HDAC9: variants seen among roughly 807,000 people sequenced by gnomAD.
HDAC9 encodes MEF-2 interacting transcription repressor (MITR) protein.
HDAC9 carries 41 observed loss-of-function variants against 139.4 expected under a neutral mutation model. The observed-to-expected ratio is 0.29, with a 90% confidence interval of 0.23 to 0.38. The LOEUF (loss-of-function observed/expected upper bound fraction) is 0.38, where lower values mean the gene tolerates loss of function less well. Among genes scored for constraint, HDAC9 ranks in the 10% least tolerant of loss-of-function variants. The pLI is 1.00. For synonymous variants in HDAC9, 517 were observed against 476.2 expected, an observed-to-expected ratio of 1.09 and a Z score of -1.12; for missense variants, 1,147 against 1,297.0, an observed-to-expected ratio of 0.88 and a Z score of 1.78.
chr7:18,983,799 G>A (rs967327217), intron 25 of HDAC9, among the ~76,000 whole-genome samples: 8 of 152,118 alleles, frequency 5.3e-5, no homozygotes, highest in Admixed American at 3.3e-4. Context: ...TGGGTGTGGA[G>A]TGATATTTCA....
At chr7:18,967,006 C>A (rs1035412312) in intron 24 of HDAC9, among the ~76,000 whole-genome samples, 3 of 152,104 alleles carry the variant, frequency 2.0e-5, no homozygotes, top group Non-Finnish European at 2.9e-5. Context: ...GTCTCCCAAG[C>A]GAATTGATAA....
chr7:18,855,213 C>T (rs976478187), intron 21 of HDAC9, among the ~76,000 whole-genome samples: 1 of 152,236 alleles, frequency 6.6e-6, no homozygotes, highest in South Asian at 2.1e-4. Flanking sequence ...TCAGGACTTG[C>T]TTTACACTAA....
intron 2 of HDAC9, among the ~76,000 whole-genome samples, chr7:18,525,378 C>A (rs552703405): frequency 1.2e-4 from 19 of 152,118 alleles, no homozygotes; most frequent in African/African-American, 3.9e-4. Context: ...TTGTCCTTTT[C>A]TACTTGAAAT....
At chr7:18,606,410 A>G (rs1237710918) in intron 6 of HDAC9, among the ~76,000 whole-genome samples, 3 of 152,190 alleles carry the variant, frequency 2.0e-5, no homozygotes, top group Non-Finnish European at 4.4e-5. Flanking sequence ...TTATTCTTAC[A>G]AATTAATGAT....
intron 12 of HDAC9, among the ~76,000 whole-genome samples, chr7:18,704,356 C>G (rs1255605985): frequency 6.6e-6 from 1 of 152,202 alleles, no homozygotes; most frequent in Admixed American, 6.5e-5. Flanking sequence ...ATTGTGGGCT[C>G]TTCCTTACCT....
At chr7:18,336,322 A>G (rs1032630488) in intron 1 of HDAC9, among the ~76,000 whole-genome samples, 13 of 151,610 alleles carry the variant, frequency 8.6e-5, no homozygotes, top group African/African-American at 2.9e-4. Flanking sequence ...CATGTGCTAT[A>G]TCCTAACCTC....
intron 1 of HDAC9, among the ~76,000 whole-genome samples, chr7:18,106,770 A>G (rs1374025361): frequency 1.3e-5 from 2 of 152,026 alleles, no homozygotes; most frequent in Non-Finnish European, 1.5e-5. Context: ...ACACATTTCT[A>G]CCAGAAAAGT....
Position 18,385,285 on chromosome 7 carries a change from A to G in HDAC9, c.-42+94770A>G, listed in dbSNP as rs539694754. Reference sequence around the variant, plus strand: ...GGAATGTTTTAAGACTGTTAATGATACTAGATAGGTGTATGTTCAATAACG... The same window carrying G: ...GGAATGTTTTAAGACTGTTAATGATGCTAGATAGGTGTATGTTCAATAACG... On this transcript the variant is annotated intron_variant, in intron 1 of 3. Coordinates refer to the HDAC9 transcript ENST00000413509. Among the ~76,000 whole-genome samples the G allele has an allele frequency of 9.9e-5, 15 of 152,236 alleles. No homozygotes were observed. In the South Asian group the frequency reaches 1.2e-3, roughly 13 times the overall value.
chr7:18,365,471 T>C (rs1306454809), intron 1 of HDAC9, among the ~76,000 whole-genome samples: 2 of 152,150 alleles, frequency 1.3e-5, no homozygotes, highest in African/African-American at 2.4e-5. Context: ...TATGAAATTA[T>C]TGAGTAGAAA....
chr7:18,332,688 C>A (rs1280290905), intron 1 of HDAC9, among the ~76,000 whole-genome samples: 1 of 151,496 alleles, frequency 6.6e-6, no homozygotes, highest in Non-Finnish European at 1.5e-5. Flanking sequence ...TCCAGAAATT[C>A]AAGATGGTGA....
chr7:18,829,622 G>A, intron 19 of HDAC9, 74 bp downstream of exon 19: 3 of 972,482 alleles, frequency 3.1e-6, no homozygotes, highest in East Asian at 2.4e-5. Flanking sequence ...TTCTCTGTTA[G>A]GTTGTCTTGC....
At chr7:18,753,096 A>G (rs1788585876) in intron 14 of HDAC9, among the ~76,000 whole-genome samples, 1 of 152,126 alleles carries the variant, frequency 6.6e-6, no homozygotes, top group South Asian at 2.1e-4. Context: ...TAGGAGTAGA[A>G]GATACAATAC....
At chr7:18,982,011 G>A (rs1784984789) in intron 25 of HDAC9, among the ~76,000 whole-genome samples, 1 of 152,094 alleles carries the variant, frequency 6.6e-6, no homozygotes, top group African/African-American at 2.4e-5. Flanking sequence ...CAGAACCAGG[G>A]AGAAGAGAAT....
chr7:18,852,895 T>A (rs537351070), intron 21 of HDAC9, among the ~76,000 whole-genome samples: 2 of 152,078 alleles, frequency 1.3e-5, no homozygotes, highest in Non-Finnish European at 2.9e-5. Context: ...AGGTAGATTT[T>A]TAAAAATATA....
At chr7:18,225,807 A>G (rs1224909676) in intron 2 of HDAC9, among the ~76,000 whole-genome samples, 1 of 152,180 alleles carries the variant, frequency 6.6e-6, no homozygotes, top group Admixed American at 6.5e-5. Flanking sequence ...TTGATTTTTA[A>G]ATAGGAAGTC....
rs558753678 is a variant in HDAC9 at position 18,461,761 on chromosome 7, A to AT, written c.-41-34495dup. On this transcript the variant is annotated intron_variant, in intron 1 of 3. Coordinates refer to the HDAC9 transcript ENST00000413509. ...TTTAAGATCACTGTGTTACTGTTAG[A>AT]TTTTTTAAATAAACATTTAGATGAA... Among the ~76,000 whole-genome samples, 169 of 152,236 alleles carry AT rather than the reference A, an allele frequency of 1.1e-3. 1 individual carries two copies. The highest frequency in any genetic ancestry group is 3.7e-3 in the African/African-American group (155 of 41,574).
At chr7:18,107,847 G>A (rs916680718) in intron 1 of HDAC9, among the ~76,000 whole-genome samples, 1 of 152,146 alleles carries the variant, frequency 6.6e-6, no homozygotes, top group African/African-American at 2.4e-5. Context: ...TTTCAAAAAT[G>A]TGATTATACT....
chr7:18,402,859 A>C (rs987497300), intron 1 of HDAC9, among the ~76,000 whole-genome samples: 6 of 152,172 alleles, frequency 3.9e-5, no homozygotes, highest in Non-Finnish European at 8.8e-5. Flanking sequence ...CCCTTCAGAG[A>C]AAATTTTGGG....
intron 1 of HDAC9, among the ~76,000 whole-genome samples, chr7:18,458,357 T>C (rs1177027759): frequency 5.9e-5 from 9 of 152,188 alleles, no homozygotes; most frequent in Non-Finnish European, 7.4e-5. Flanking sequence ...ATGCTTCTGA[T>C]AGAAAATGGT....
Sources: gnomAD v4.1 joint callset for allele counts (sites outside exome capture counted in the v4.1 genomes callset) on GRCh38, gnomAD v4.1.1 for gene constraint, MANE v1.5 for transcripts, NCBI Gene and HGNC (gene_info 2026-07-23, HGNC 2026-07-21) for gene names.